The following PDE10A variants were observed in gnomAD, a reference collection of about 807,000 sequenced individuals.
The protein encoded by PDE10A is cAMP and cAMP-inhibited cGMP 3',5'-cyclic phosphodiesterase 10A.
A neutral mutation model predicts 97.7 loss-of-function variants in PDE10A; 39 were observed. That is an observed-to-expected ratio of 0.40 (90% CI 0.31 to 0.52). PDE10A has a LOEUF of 0.52. Among genes scored for constraint, PDE10A ranks in the 20% least tolerant of loss-of-function variants. The probability of loss-of-function intolerance (pLI) is 0.56; values close to 1 mark genes in which losing one functional copy is unlikely to be tolerated. For synonymous variants in PDE10A, 371 were observed against 376.8 expected, an observed-to-expected ratio of 0.98 and a Z score of 0.18; for missense variants, 731 against 1,047.8, an observed-to-expected ratio of 0.70 and a Z score of 4.17.
intron 18 of PDE10A, 73 bp downstream of exon 18, chr6:165,379,121 T>C (rs1784786435): frequency 4.9e-6 from 5 of 1,022,124 alleles, no homozygotes; most frequent in South Asian, 4.6e-5. Context: ...TTACGCCACA[T>C]TACATTTCTT....
intron 18 of PDE10A, among the ~76,000 whole-genome samples, chr6:165,371,704 G>T (rs1456752370): frequency 6.6e-6 from 1 of 151,900 alleles, no homozygotes; most frequent in African/African-American, 2.4e-5. Context: ...AGAAAAAGAG[G>T]GAATCCTCCC....
At chr6:165,396,186 A>G (rs1786141308) in intron 14 of PDE10A, 131 bp downstream of exon 14, 1 of 776,976 alleles carries the variant, frequency 1.3e-6, no homozygotes, top group South Asian at 2.4e-5. Context: ...GAAGCAGACA[A>G]TGGCAACACA....
Position 165,930,790 on chromosome 6 carries a change from G to A in PDE10A, c.-615+56739C>T, listed in dbSNP as rs188122943. Among the ~76,000 whole-genome samples the A allele has an allele frequency of 7.0e-4, 106 of 152,318 alleles. 2 individuals carry two copies. The highest frequency in any genetic ancestry group is 2.3e-3 in the South Asian group (11 of 4,816). On this transcript the variant is annotated intron_variant, in intron 1 of 19. Transcript: ENST00000366882. The stretch of plus-strand genomic sequence containing the variant: ...TTAATTGCCCATGTTAACGAGGGCC[G>A]AGGCTGTGAGGGCTGGAGCTGCGGG...
At chr6:165,970,107 G>A (rs1336051017) in intron 1 of PDE10A, among the ~76,000 whole-genome samples, 1 of 152,080 alleles carries the variant, frequency 6.6e-6, no homozygotes, top group Non-Finnish European at 1.5e-5. Flanking sequence ...CTAACCATGA[G>A]TATATACCAA....
At chr6:165,720,708 G>C (rs1792146319) in intron 1 of PDE10A, among the ~76,000 whole-genome samples, 1 of 152,200 alleles carries the variant, frequency 6.6e-6, no homozygotes, top group Non-Finnish European at 1.5e-5. Context: ...ATGAGAGAAG[G>C]CTGGCCAGGC....
chr6:165,692,600 C>T (rs1791332196), intron 1 of PDE10A, among the ~76,000 whole-genome samples: 1 of 152,188 alleles, frequency 6.6e-6, no homozygotes, highest in Admixed American at 6.5e-5. Context: ...TGGCTAAAGC[C>T]TACTGGTTAA....
rs186422919 is a variant in PDE10A, at chr6:165,659,082, C to T, written c.865+2865G>A. Among the ~76,000 whole-genome samples the T allele has an allele frequency of 8.8e-4, 134 of 152,196 alleles. 2 individuals are homozygous for T. In the East Asian group the frequency reaches 0.025, roughly 28 times the overall value. Reference sequence around the variant, plus strand: ...AAGTGTTGTTTGGTGCATGAGTGAGCGAACCAGCCGGTCAGTGTGAAGAGC... The same window carrying T: ...AAGTGTTGTTTGGTGCATGAGTGAGTGAACCAGCCGGTCAGTGTGAAGAGC... On this transcript the variant is annotated intron_variant, in intron 1 of 21. Coordinates refer to ENST00000539869, the MANE Select transcript of PDE10A (RefSeq NM_001385079.1).
chr6:165,852,362 G>T (rs1027849999), intron 1 of PDE10A, among the ~76,000 whole-genome samples: 5 of 152,220 alleles, frequency 3.3e-5, no homozygotes, highest in Non-Finnish European at 5.9e-5. Context: ...TGTCCTCAAT[G>T]CTGGTGAGTA....
chr6:165,445,908 G>GAT (rs1249985270), intron 5 of PDE10A, among the ~76,000 whole-genome samples: 5 of 151,942 alleles, frequency 3.3e-5, no homozygotes, highest in Admixed American at 3.3e-4. Flanking sequence ...GAGAGAGAGA[G>GAT]AGAGAGAGAG....
intron 1 of PDE10A, among the ~76,000 whole-genome samples, chr6:165,627,920 G>A (rs1788460459): frequency 6.6e-6 from 1 of 152,116 alleles, no homozygotes; most frequent in South Asian, 2.1e-4. Context: ...GCCACTTACT[G>A]GCAAAGTTGC....
chr6:165,676,769 A>G (rs1203693699), intron 1 of PDE10A, among the ~76,000 whole-genome samples: 1 of 151,946 alleles, frequency 6.6e-6, no homozygotes, highest in Non-Finnish European at 1.5e-5. Flanking sequence ...CCCACATTTC[A>G]CGGCTATTTT....
intron 1 of PDE10A, chr6:165,576,377 A>G (rs757790761): frequency 1.2e-5 from 9 of 780,346 alleles, no homozygotes; most frequent in Non-Finnish European, 1.9e-5. Context: ...TGTCCCTTCT[A>G]AATTTCTTTT....
chr6:165,600,845 G>A (rs187964642), intron 1 of PDE10A, among the ~76,000 whole-genome samples: 1 of 152,068 alleles, frequency 6.6e-6, no homozygotes, highest in Admixed American at 6.5e-5. Flanking sequence ...AAGTCAGACA[G>A]TGGTATTTTC....
chr6:165,873,918 G>T (rs1403467974), intron 1 of PDE10A, among the ~76,000 whole-genome samples: 1 of 152,110 alleles, frequency 6.6e-6, no homozygotes, highest in East Asian at 1.9e-4. Context: ...TAAGACTCTT[G>T]TTAAAAATCC....
intron 1 of PDE10A, among the ~76,000 whole-genome samples, chr6:165,737,971 C>T (rs2128452576): frequency 6.6e-6 from 1 of 151,974 alleles, no homozygotes; most frequent in Admixed American, 6.5e-5. Context: ...GATACAAAAT[C>T]ACCTAAAAAA....
At chr6:165,541,133 T>A (rs1783412409) in intron 2 of PDE10A, among the ~76,000 whole-genome samples, 1 of 152,152 alleles carries the variant, frequency 6.6e-6, no homozygotes, top group Non-Finnish European at 1.5e-5. Context: ...CACAGTGGAA[T>A]GTAAGGTTCC....
At chr6:165,347,767 T>C (rs918704443) in intron 18 of PDE10A, among the ~76,000 whole-genome samples, 2 of 152,166 alleles carry the variant, frequency 1.3e-5, no homozygotes, top group Non-Finnish European at 1.5e-5. Flanking sequence ...CTTTATGCAC[T>C]TACAGTCCTA....
intron 1 of PDE10A, among the ~76,000 whole-genome samples, chr6:165,609,508 G>C (rs569563534): frequency 3.3e-5 from 5 of 152,246 alleles, no homozygotes; most frequent in African/African-American, 1.2e-4. Context: ...TTCTGGCCAG[G>C]GCAATCAGGC....
At chr6:165,479,324 A>T (rs1232212108) in intron 3 of PDE10A, among the ~76,000 whole-genome samples, 1 of 152,058 alleles carries the variant, frequency 6.6e-6, no homozygotes, top group Admixed American at 6.6e-5. Context: ...CAGCTAGAAG[A>T]CCTAAATACC....
Sources: gnomAD v4.1 joint callset for allele counts (sites outside exome capture counted in the v4.1 genomes callset) on GRCh38, gnomAD v4.1.1 for gene constraint, MANE v1.5 for transcripts, NCBI Gene and HGNC (gene_info 2026-07-23, HGNC 2026-07-21) for gene names.